The following TBCEL variants were observed in gnomAD, a reference collection of about 807,000 sequenced individuals.
TBCEL encodes the protein tubulin-specific chaperone cofactor E-like protein.
Under a neutral mutation model 44.2 loss-of-function variants are expected in TBCEL, and 15 were observed. The observed-to-expected ratio is 0.34, with a 90% CI of 0.23 to 0.52. TBCEL has a LOEUF of 0.52. Ranked by LOEUF, TBCEL falls within the 20% of genes least tolerant of loss-of-function variation. TBCEL has a pLI of 0.95. For missense variants in TBCEL, 319 were observed against 506.3 expected, an observed-to-expected ratio of 0.63 and a Z score of 3.55; for synonymous variants, 171 against 185.4, an observed-to-expected ratio of 0.92 and a Z score of 0.63.
intron 8 of TBCEL, among the ~76,000 whole-genome samples, chr11:121,063,041 G>A (rs955993104): frequency 6.6e-6 from 1 of 152,054 alleles, no homozygotes; most frequent in Non-Finnish European, 1.5e-5. Flanking sequence ...AGTGAACAAA[G>A]TTCCTACCTT....
chr11:121,031,662 CTTTTTTTTT>C (rs1159376351), intron 1 of TBCEL, among the ~76,000 whole-genome samples: 3 of 101,866 alleles, frequency 2.9e-5, no homozygotes, highest in African/African-American at 1.1e-4. Context: ...TTTTTTCTTT[CTTTTTTTTT>C]TTTTTTTTTT....
intron 8 of TBCEL, among the ~76,000 whole-genome samples, chr11:121,064,970 C>T (rs1040164307): frequency 8.5e-5 from 13 of 152,094 alleles, no homozygotes; most frequent in East Asian, 5.8e-4. Flanking sequence ...GGACTACAGG[C>T]GCCCGCCACC....
At chr11:121,029,623 G>A (rs1267546816) in intron 1 of TBCEL, among the ~76,000 whole-genome samples, 3 of 152,150 alleles carry the variant, frequency 2.0e-5, no homozygotes, top group Non-Finnish European at 4.4e-5. Context: ...TAAACAGGTA[G>A]CCCATTTCCC....
chr11:121,052,117 A>G (rs1945539434), intron 4 of TBCEL, among the ~76,000 whole-genome samples: 1 of 151,850 alleles, frequency 6.6e-6, no homozygotes, highest in Non-Finnish European at 1.5e-5. Flanking sequence ...AGTGATTCCG[A>G]TGGGTAGCTA....
chr11:121,069,786 T>C (rs925353433), intron 8 of TBCEL, among the ~76,000 whole-genome samples: 2 of 150,868 alleles, frequency 1.3e-5, no homozygotes, highest in African/African-American at 4.9e-5. Context: ...AGCTAGACTG[T>C]CTGAAAAAAA....
At position 121,087,033 on chromosome 11, in the gene TBCEL, G is replaced by A. The variant is rs1946229118; in HGVS notation, c.1212G>A (p.Arg404=). The A allele has an allele frequency of 6.2e-7, 1 of 1,613,928 alleles. No homozygotes were observed. The highest frequency in any genetic ancestry group is 1.3e-5 in the African/African-American group (1 of 74,886). The stretch of plus-strand genomic sequence containing the variant: ...CAGAGGAAATGAAGTACAGCTCTCG[G>A]GCATTGCATTCCTTTGGCATTAGGG... ...FGPEEMKYSS[R]ALHSFGIRDG... Residue 404 remains arginine (R), a synonymous_variant, in exon 9 of 9, where the codon CGG becomes CGA. Transcript: ENST00000683345.
intron 8 of TBCEL, among the ~76,000 whole-genome samples, chr11:121,070,506 T>C (rs932444546): frequency 1.3e-5 from 2 of 152,140 alleles, no homozygotes; most frequent in Non-Finnish European, 2.9e-5. Context: ...ATATACACCA[T>C]GGAATACTAT....
At chr11:121,034,221 C>T (rs73589520) in intron 1 of TBCEL, among the ~76,000 whole-genome samples, 1 of 152,240 alleles carries the variant, frequency 6.6e-6, no homozygotes, top group Admixed American at 6.5e-5. Context: ...ACCAGCAGTG[C>T]ACATATATTA....
Position 121,029,798 on chromosome 11 carries a change from G to A in TBCEL, c.-126+5507G>A, listed in dbSNP as rs554682668. ...TTTCTTCTCATTCTGCCATTGGTGA[G>A]CTTCATTTTCATTTCACTGTCAGAA... On this transcript the variant is annotated intron_variant, in intron 1 of 8. Transcript: ENST00000683345. Among the ~76,000 whole-genome samples the A allele has an allele frequency of 2.6e-5, 4 of 152,286 alleles. No homozygotes were observed. In the East Asian group the frequency reaches 7.7e-4, roughly 29 times the overall value.
intron 8 of TBCEL, among the ~76,000 whole-genome samples, chr11:121,071,330 A>G (rs531464846): frequency 6.6e-6 from 1 of 152,314 alleles, no homozygotes; most frequent in South Asian, 2.1e-4. Flanking sequence ...CATATCATGT[A>G]TCTTTGGGAA....
At chr11:121,058,204 A>G in intron 6 of TBCEL, 141 bp from the exon 7 acceptor site, 1 of 1,033,518 alleles carries the variant, frequency 9.7e-7, no homozygotes, top group Non-Finnish European at 1.4e-6. Context: ...CTTGCCTTGG[A>G]TGAAGAAAAC....
intron 8 of TBCEL, among the ~76,000 whole-genome samples, chr11:121,086,444 C>A (rs1316436317): frequency 6.6e-6 from 1 of 152,194 alleles, no homozygotes; most frequent in Non-Finnish European, 1.5e-5. Flanking sequence ...TTGATGATGA[C>A]ACCCAAGAAA....
At chr11:121,062,433 G>A (rs1945741481) in intron 8 of TBCEL, among the ~76,000 whole-genome samples, 1 of 152,122 alleles carries the variant, frequency 6.6e-6, no homozygotes, top group African/African-American at 2.4e-5. Flanking sequence ...TTATACAGCA[G>A]TGTAGTAAGT....
intron 8 of TBCEL, among the ~76,000 whole-genome samples, chr11:121,084,583 A>G (rs1052804403): frequency 2.0e-5 from 3 of 152,054 alleles, no homozygotes; most frequent in Non-Finnish European, 4.4e-5. Context: ...TCTTCATGTC[A>G]TCTCTTTGTT....
intron 8 of TBCEL, among the ~76,000 whole-genome samples, chr11:121,070,324 A>G (rs1366407911): frequency 6.6e-6 from 1 of 152,174 alleles, no homozygotes; most frequent in African/African-American, 2.4e-5. Flanking sequence ...AACTAGAAAT[A>G]CCATTTGACC....
intron 8 of TBCEL, among the ~76,000 whole-genome samples, chr11:121,079,551 T>C (rs1418303489): frequency 6.6e-6 from 1 of 152,202 alleles, no homozygotes; most frequent in Non-Finnish European, 1.5e-5. Flanking sequence ...CTGTAAATTA[T>C]GTAATAGATG....
chr11:121,026,216 A>G (rs1945043510), intron 1 of TBCEL, among the ~76,000 whole-genome samples: 1 of 152,226 alleles, frequency 6.6e-6, no homozygotes, highest in African/African-American at 2.4e-5. Flanking sequence ...TTAATCATAA[A>G]CCTAAGTATA....
chr11:121,029,039 C>T (rs919080621), intron 1 of TBCEL, among the ~76,000 whole-genome samples: 1 of 152,176 alleles, frequency 6.6e-6, no homozygotes, highest in African/African-American at 2.4e-5. Flanking sequence ...ACACCAACTA[C>T]ACTACATTTC....
chr11:121,065,364 G>T (rs1046158878), intron 8 of TBCEL, among the ~76,000 whole-genome samples: 1 of 152,044 alleles, frequency 6.6e-6, no homozygotes, highest in African/African-American at 2.4e-5. Context: ...TAGCAAGGGG[G>T]GCCTAAGTGA....
Sources: gnomAD v4.1 joint callset for allele counts (sites outside exome capture counted in the v4.1 genomes callset) on GRCh38, gnomAD v4.1.1 for gene constraint, MANE v1.5 for transcripts, NCBI Gene and HGNC (gene_info 2026-07-23, HGNC 2026-07-21) for gene names.